The following CPT1A variants were observed in gnomAD, a reference collection of about 807,000 sequenced individuals.
The protein encoded by CPT1A is carnitine palmitoyltransferase 1A, also known as carnitine O-palmitoyltransferase 1, liver isoform.
A neutral mutation model predicts 100.8 loss-of-function variants in CPT1A; 64 were observed. The observed-to-expected ratio is 0.63, with a 90% confidence interval of 0.52 to 0.78. The LOEUF (loss-of-function observed/expected upper bound fraction) is 0.78. Among genes scored for constraint, CPT1A ranks in the 30% least tolerant of loss-of-function variants. The pLI is 0.00. For missense variants in CPT1A, 802 were observed against 1,034.1 expected (o/e 0.78, Z 3.08); for synonymous variants, 363 against 396.0 (o/e 0.92, Z 0.99).
chr11:68,754,851 C>G (rs1486353393), downstream of CPT1A: 1 of 780,962 alleles, frequency 1.3e-6, no homozygotes. Flanking sequence ...CTTATAATCC[C>G]CTTAATATAA....
At chr11:68,817,088 TTG>T (rs1856440215) in intron 1 of CPT1A, among the ~76,000 whole-genome samples, 1 of 109,110 alleles carries the variant, frequency 9.2e-6, no homozygotes, top group Non-Finnish European at 1.9e-5. Context: ...GTGTGTGTGG[TTG>T]TGTGTGTGTG....
At chr11:68,781,173 C>T (rs1180338783) in intron 11 of CPT1A, among the ~76,000 whole-genome samples, 3 of 152,186 alleles carry the variant, frequency 2.0e-5, no homozygotes, top group Non-Finnish European at 4.4e-5. Context: ...GTGCCTAGCC[C>T]TGTTTGCCAC....
chr11:68,775,590 T>C (rs548008608), intron 12 of CPT1A, among the ~76,000 whole-genome samples, 158 bp from the exon 13 acceptor site: 1 of 152,364 alleles, frequency 6.6e-6, no homozygotes, highest in South Asian at 2.1e-4. Flanking sequence ...GAGGTGGATC[T>C]GATCTCCATG....
intron 12 of CPT1A, among the ~76,000 whole-genome samples, chr11:68,776,878 A>G (rs901608478): frequency 2.0e-5 from 3 of 152,220 alleles, no homozygotes; most frequent in African/African-American, 7.2e-5. Flanking sequence ...CTTATATCTC[A>G]ACTAAAAAAA....
At chr11:68,810,327 A>G (rs948324513) in intron 3 of CPT1A, among the ~76,000 whole-genome samples, 1 of 152,190 alleles carries the variant, frequency 6.6e-6, no homozygotes, top group Non-Finnish European at 1.5e-5. Context: ...GCCTGCCCTG[A>G]GCACCCAGGT....
intron 6 of CPT1A, among the ~76,000 whole-genome samples, chr11:68,797,783 G>A (rs1855792348): frequency 6.6e-6 from 1 of 152,170 alleles, no homozygotes; most frequent in Non-Finnish European, 1.5e-5. Context: ...TTCCGGACCT[G>A]CCTGGCCAAC....
At position 68,761,597 on chromosome 11, in the gene CPT1A, G is replaced by C. The variant is rs1405682081; in HGVS notation, c.1966C>G (p.His656Asp). 9 of 1,614,086 alleles carry C rather than the reference G, an allele frequency of 5.6e-6. No homozygotes were observed. The highest frequency in any genetic ancestry group is 7.6e-6 in the Non-Finnish European group (9 of 1,180,008). ...LAMTGSGIDR[H>D]LFCLYVVSKY... Reference sequence around the variant, plus strand: ...GACACCACGTAAAGGCAGAAGAGGTGACGATCGATCCCAGAGCCGGTCATG... The same window carrying C: ...GACACCACGTAAAGGCAGAAGAGGTCACGATCGATCCCAGAGCCGGTCATG... Residue 656 changes from histidine (H) to aspartate (D), a missense_variant, in exon 16 of 19, where the codon CAC becomes GAC. Around this residue, in one of 4 missense-constraint regions of CPT1A, gnomAD observed 627 missense variants for 799.3 expected, o/e 0.78. Transcript: ENST00000265641.
intron 12 of CPT1A, among the ~76,000 whole-genome samples, chr11:68,778,868 C>T (rs934207954): frequency 1.3e-5 from 2 of 151,642 alleles, no homozygotes; most frequent in African/African-American, 4.8e-5. Flanking sequence ...TCACTGCAAG[C>T]TCTGCCTCCC....
chr11:68,805,546 C>G (rs1382613498), intron 4 of CPT1A, among the ~76,000 whole-genome samples: 2 of 152,082 alleles, frequency 1.3e-5, no homozygotes, highest in African/African-American at 4.8e-5. Context: ...CAGGCTCCCC[C>G]AGAGGTTGGG....
intron 10 of CPT1A, among the ~76,000 whole-genome samples, chr11:68,783,146 G>A (rs151027271): frequency 1.6e-3 from 238 of 151,982 alleles, no homozygotes; most frequent in African/African-American, 5.6e-3. Flanking sequence ...CCTCCATCCC[G>A]CTCCTGCTCC....
chr11:68,754,760 T>C (rs551460606), downstream of CPT1A: 48 of 778,676 alleles, frequency 6.2e-5, no homozygotes, highest in East Asian at 1.0e-3. Flanking sequence ...AACTTGGTGA[T>C]GTCCATGGTC....
chr11:68,793,142 C>T (rs1855663540), intron 9 of CPT1A, among the ~76,000 whole-genome samples, 173 bp downstream of exon 9: 1 of 152,202 alleles, frequency 6.6e-6, no homozygotes, highest in South Asian at 2.1e-4. Flanking sequence ...AAGTCAACAA[C>T]AGTGTCCAGG....
intron 4 of CPT1A, among the ~76,000 whole-genome samples, chr11:68,804,665 G>A (rs1364118508): frequency 3.9e-5 from 6 of 152,232 alleles, no homozygotes; most frequent in African/African-American, 7.2e-5. Flanking sequence ...GTGAGATGTC[G>A]CTGCCAGCGT....
At chr11:68,796,119 C>A (rs921129670) in intron 7 of CPT1A, among the ~76,000 whole-genome samples, 1 of 152,102 alleles carries the variant, frequency 6.6e-6, no homozygotes, top group African/African-American at 2.4e-5. Flanking sequence ...TCGATGCACA[C>A]CCCTCTGGCG....
rs756976085 is a variant in CPT1A, at chr11:68,796,893, C to T, written c.734G>A (p.Arg245Gln). ...GTTGCTGTTCACCATGAGCGGCCCT[C>T]GTCCTCGGAGGTAGATGTACTCCTC... The part of the protein sequence containing the change: ...WWEEYIYLRG[R>Q]GPLMVNSNYY... The change falls in exon 7 of 19, where the codon CGA becomes CAA. Residue 245 changes from arginine (R) to glutamine (Q), a missense_variant. By Grantham distance (43) the Arg-to-Gln change is conservative. Transcript: ENST00000265641. The T allele has an allele frequency of 3.7e-6, 6 of 1,614,092 alleles. No individual in the cohort carries two copies. Among genetic ancestry groups the T allele is most frequent in the East Asian group, 2.2e-5 (1 of 44,862 alleles).
In CPT1A at chr11:68,785,015, G is replaced by A. The variant is rs1855420167; in HGVS notation, c.968-5C>T. On this transcript the variant is annotated splice_polypyrimidine_tract_variant and splice_region_variant and intron_variant, in intron 9 of 18. Coordinates refer to ENST00000265641, the MANE Select transcript of CPT1A (RefSeq NM_001876.4). ...CTCTCATGTGCTGGATGGTGTCTGA[G>A]CCGGCCGCAGGTTGGAGACACAAAA... 2 of 1,613,262 alleles carry A rather than the reference G, an allele frequency of 1.2e-6. No homozygotes were observed. Among genetic ancestry groups the A allele is most frequent in the South Asian group, 2.2e-5 (2 of 91,056 alleles).
chr11:68,761,282 C>T (rs952733610), intron 16 of CPT1A, among the ~76,000 whole-genome samples: 5 of 150,208 alleles, frequency 3.3e-5, no homozygotes, highest in African/African-American at 7.4e-5. Flanking sequence ...TACTTCCGTG[C>T]GTCTTACTGT....
At chr11:68,800,506 A>C (rs1046777741) in intron 5 of CPT1A, among the ~76,000 whole-genome samples, 1 of 151,664 alleles carries the variant, frequency 6.6e-6, no homozygotes, top group Non-Finnish European at 1.5e-5. Flanking sequence ...AAAAAAAAAA[A>C]AATACAAAAA....
chr11:68,762,869 A>AT, intron 14 of CPT1A, 108 bp from the exon 15 acceptor site: 1 of 1,436,136 alleles, frequency 7.0e-7, no homozygotes, highest in Non-Finnish European at 9.6e-7. Context: ...CATTGTCAAC[A>AT]TTTTTTTGAG....
Sources: allele counts gnomAD v4.1 joint callset (sites outside exome capture counted in the v4.1 genomes callset), GRCh38; gene constraint gnomAD v4.1.1; regional missense constraint gnomAD v4.1.1; transcripts MANE v1.5; gene names NCBI Gene and HGNC (gene_info 2026-07-23, HGNC 2026-07-21).